The following TMEM181 variants were observed in gnomAD, a reference collection of about 807,000 sequenced individuals.
The protein encoded by TMEM181 is transmembrane protein 181.
A neutral mutation model predicts 71.9 loss-of-function variants in TMEM181; 39 were observed. The observed-to-expected ratio is 0.54, with a 90% CI of 0.42 to 0.71. The LOEUF (loss-of-function observed/expected upper bound fraction) is 0.71, where lower values mean the gene tolerates loss of function less well. TMEM181 is among the 30% of genes least tolerant of loss of function. The pLI is 0.00. For synonymous variants in TMEM181, 245 were observed against 228.8 expected, an observed-to-expected ratio of 1.07 and a Z score of -0.64; for missense variants, 595 against 583.0, an observed-to-expected ratio of 1.02 and a Z score of -0.21.
chr6:158,549,821 T>G (rs560011832), intron 1 of TMEM181, among the ~76,000 whole-genome samples: 5 of 152,300 alleles, frequency 3.3e-5, no homozygotes, highest in Admixed American at 6.5e-5. Flanking sequence ...TTTTTGTATG[T>G]AAGGTGGTGA....
chr6:158,590,975 T>C (rs982005039), intron 6 of TMEM181, among the ~76,000 whole-genome samples: 1 of 152,240 alleles, frequency 6.6e-6, no homozygotes, highest in African/African-American at 2.4e-5. Flanking sequence ...TCGGTGACTG[T>C]CTGCTTTCAC....
intron 2 of TMEM181, among the ~76,000 whole-genome samples, chr6:158,574,748 G>T (rs1280320566): frequency 6.6e-6 from 1 of 152,182 alleles, no homozygotes; most frequent in Non-Finnish European, 1.5e-5. Flanking sequence ...CTGCCTGCCT[G>T]CCTGCCTGTC....
intron 2 of TMEM181, among the ~76,000 whole-genome samples, chr6:158,574,379 C>T (rs73014212): frequency 3.0e-4 from 45 of 152,126 alleles, no homozygotes; most frequent in Non-Finnish European, 4.3e-4. Flanking sequence ...TTTTCTTTCC[C>T]GTTAAGTCAT....
chr6:158,574,409 T>G (rs547901916), intron 2 of TMEM181, among the ~76,000 whole-genome samples: 10 of 152,150 alleles, frequency 6.6e-5, no homozygotes, highest in Non-Finnish European at 1.5e-4. Context: ...AAAATTACAT[T>G]AATTACAGCA....
chr6:158,592,873 A>G (rs1446646437), intron 6 of TMEM181, among the ~76,000 whole-genome samples: 3 of 152,112 alleles, frequency 2.0e-5, no homozygotes, highest in Admixed American at 1.3e-4. Flanking sequence ...AGCTGTAATC[A>G]CACCACTGCA....
chr6:158,592,135 G>A (rs985120671), intron 6 of TMEM181, among the ~76,000 whole-genome samples: 10 of 152,212 alleles, frequency 6.6e-5, no homozygotes, highest in Admixed American at 5.2e-4. Flanking sequence ...ATTTTTCTGC[G>A]TTTTTTGTAC....
chr6:158,537,382 T>TGGGCGCGGCGGGGA (rs1781161113), intron 1 of TMEM181, among the ~76,000 whole-genome samples: 1 of 151,982 alleles, frequency 6.6e-6, no homozygotes, highest in African/African-American at 2.4e-5. Flanking sequence ...TGGGGGCGGA[T>TGGGCGCGGCGGGGA]GGGCGCGGCG....
chr6:158,635,029 A>G lies in TMEM181; in HGVS notation c.*3141A>G, dbSNP rs78044784. On this transcript the variant is annotated 3_prime_UTR_variant, in exon 17 of 17. Coordinates refer to ENST00000684151, the MANE Select transcript of TMEM181 (RefSeq NM_001376852.1). Reference sequence around the variant, plus strand: ...TGCCTTAGAGGTTAGACTTTTGAAGAAAAAAAAAAAAAGATACAGATCTTT... The same window carrying G: ...TGCCTTAGAGGTTAGACTTTTGAAGGAAAAAAAAAAAAGATACAGATCTTT... 5 of 143,398 alleles carry G rather than the reference A, an allele frequency of 3.5e-5. No homozygotes were observed. The highest frequency in any genetic ancestry group is 7.0e-5 in the Admixed American group (1 of 14,320). 8.9% of individuals were successfully genotyped at this position (143,398 alleles called of 1,614,324 possible).
At chr6:158,558,039 A>AT (rs1315966169), upstream of TMEM181, among the ~76,000 whole-genome samples, 1 of 152,222 alleles carries the variant, frequency 6.6e-6, no homozygotes, top group African/African-American at 2.4e-5. Context: ...GAGTGTTGGG[A>AT]GAGGGCTCAT....
intron 1 of TMEM181, among the ~76,000 whole-genome samples, chr6:158,567,154 G>A (rs1053955790): frequency 1.3e-5 from 2 of 152,188 alleles, no homozygotes; most frequent in East Asian, 1.9e-4. Context: ...CTTGTGAAAA[G>A]CTGCATGGGC....
intron 1 of TMEM181, 63 bp from the exon 2 acceptor site, chr6:158,573,357 C>T: frequency 1.1e-5 from 15 of 1,313,576 alleles, no homozygotes; most frequent in Non-Finnish European, 1.6e-5. Context: ...TGCTGCAGGG[C>T]CGCTTTCCTG....
In TMEM181 at chr6:158,560,106, G is replaced by A. The variant is rs1410290525; in HGVS notation, c.-119G>A. On this transcript the variant is annotated 5_prime_UTR_variant, in exon 1 of 17. Coordinates refer to ENST00000684151, the MANE Select transcript of TMEM181 (RefSeq NM_001376852.1). ...GCGCTCTGATGAGTTTTCCGCGGCC[G>A]GCCGCTGCTCAGCCGCTGTCGCTCC... 2.0e-6 allele frequency: 2 copies of A among 984,892 alleles called. No individual in the cohort carries two copies. The highest frequency in any genetic ancestry group is 1.7e-5 in the African/African-American group (1 of 57,182). 61.0% of individuals were successfully genotyped at this position (984,892 alleles called of 1,614,324 possible).
Position 158,573,401 on chromosome 6 carries a change from T to G in TMEM181, c.9-19T>G. On this transcript the variant is annotated intron_variant, in intron 1 of 16. Transcript: ENST00000684151. ...GGGCCTTCCCCTGACCGTCCCTCAC[T>G]GCTGGCTTCTGCCCCCAGGCTGGCG... The G allele has an allele frequency of 6.4e-7, 1 of 1,564,160 alleles. No homozygotes were observed. Among genetic ancestry groups the G allele is most frequent in the Non-Finnish European group, 8.7e-7 (1 of 1,155,606 alleles).
chr6:158,631,268 G>C (rs1583065179), intron 15 of TMEM181, 55 bp from the exon 16 acceptor site: 1 of 1,586,272 alleles, frequency 6.3e-7, no homozygotes, highest in South Asian at 1.1e-5. Context: ...CATCCTGCCT[G>C]TCCAGGCTCA....
chr6:158,542,516 C>G (rs570850544), intron 1 of TMEM181, among the ~76,000 whole-genome samples: 1 of 152,336 alleles, frequency 6.6e-6, no homozygotes, highest in East Asian at 1.9e-4. Context: ...CTTACCAGAG[C>G]TCTTCCTGGT....
intron 8 of TMEM181, among the ~76,000 whole-genome samples, chr6:158,608,098 T>C (rs983669637): frequency 6.6e-6 from 1 of 152,242 alleles, no homozygotes; most frequent in Admixed American, 6.5e-5. Flanking sequence ...CTACCTTTCC[T>C]TTGGCTCTGA....
Position 158,580,526 on chromosome 6 carries a change from G to A in TMEM181, c.113-414G>A, listed in dbSNP as rs543767445. Among the ~76,000 whole-genome samples the A allele has an allele frequency of 3.9e-5, 6 of 152,266 alleles. No homozygotes were observed. The East Asian group carries it at 5.8e-4, about 15-fold the overall frequency. On this transcript the variant is annotated intron_variant, in intron 2 of 16. Transcript: ENST00000684151. ...CCCTTAATAAGTATTTTTGGAAGACGGGATTAATTGGATGAGCAGATAAGT... is the reference window on the plus strand; with the variant it reads ...CCCTTAATAAGTATTTTTGGAAGACAGGATTAATTGGATGAGCAGATAAGT...
intron 10 of TMEM181, among the ~76,000 whole-genome samples, chr6:158,618,285 A>T (rs1279532405): frequency 6.6e-6 from 1 of 151,520 alleles, no homozygotes; most frequent in East Asian, 1.9e-4. Context: ...GTTTTATCAG[A>T]GACTAGGATT....
At chr6:158,607,480 C>A in intron 8 of TMEM181, 137 bp downstream of exon 8, 1 of 738,036 alleles carries the variant, frequency 1.4e-6, no homozygotes, top group Non-Finnish European at 2.3e-6. Context: ...GAGTTTAACA[C>A]CAGCCTGGGT....
Sources: allele counts gnomAD v4.1 joint callset (sites outside exome capture counted in the v4.1 genomes callset), GRCh38; gene constraint gnomAD v4.1.1; transcripts MANE v1.5; gene names NCBI Gene and HGNC (gene_info 2026-07-23, HGNC 2026-07-21).